Variants in HSD17B8 observed in about 807,000 individuals in gnomAD.
The protein encoded by HSD17B8 is hydroxysteroid 17-beta dehydrogenase 8.
A neutral mutation model predicts 33.2 loss-of-function variants in HSD17B8; 23 were observed. The ratio of observed to expected loss-of-function variants is 0.69; its 90% CI spans 0.50 to 0.98. The LOEUF (loss-of-function observed/expected upper bound fraction) is 0.98. Ranked by LOEUF, HSD17B8 falls within the 50% of genes least tolerant of loss-of-function variation. The pLI is 0.00. For missense variants in HSD17B8, 345 were observed against 347.5 expected (o/e 0.99, Z 0.06); for synonymous variants, 137 against 138.6 (o/e 0.99, Z 0.08).
Position 33,205,533 on chromosome 6 carries a change from A to T in HSD17B8, c.474A>T (p.Val158=). 6.2e-7 allele frequency: 1 copy of T among 1,613,054 alleles called. No individual in the cohort carries two copies. Among genetic ancestry groups the T allele is most frequent in the South Asian group, 1.1e-5 (1 of 91,082 alleles). ...CCATCATCAACATCAGTAGCATCGTAGGAAAGGTCAGGTTGAGTTGGACGA... is the reference window on the plus strand; with the variant it reads ...CCATCATCAACATCAGTAGCATCGTTGGAAAGGTCAGGTTGAGTTGGACGA... ...RGSIINISSI[V]GKVGNVGQTN... Residue 158 remains valine, a synonymous_variant, in exon 4 of 9, where the codon GTA becomes GTT. Coordinates refer to ENST00000374662, the MANE Select transcript of HSD17B8 (RefSeq NM_014234.5). This position sits in a 1 kb window ranked among gnomAD's most constrained non-coding sequence, Gnocchi z 5.0.
chr6:33,205,338 G>A lies in HSD17B8; in HGVS notation c.387+1G>A. ...CAAAGTCATAGCTGTCAACCTCAAG[G>A]TGGCGATCTCTGAACCTGCGACGTT... is the stretch of plus-strand genomic sequence containing the variant. On this transcript the variant is annotated splice_donor_variant, in intron 3 of 8. Transcript: ENST00000374662. LOFTEE classifies it high-confidence loss of function. The surrounding 1 kb of genome is among the most constrained non-coding windows in gnomAD (Gnocchi z 5.0). 1 of 1,612,818 alleles carries A rather than the reference G, an allele frequency of 6.2e-7. No homozygotes were observed. Among genetic ancestry groups the A allele is most frequent in the Non-Finnish European group, 8.5e-7 (1 of 1,179,402 alleles).
chr6:33,206,466 G>A lies in HSD17B8; in HGVS notation c.769+17G>A, dbSNP rs1176418485. ...AAGTCACTGGTATGAGGCCAGCATG[G>A]GGAGGGAGAGGGCAGAGAAGTAGAA... On this transcript the variant is annotated intron_variant, in intron 8 of 8. Coordinates refer to ENST00000374662, the MANE Select transcript of HSD17B8 (RefSeq NM_014234.5). The surrounding 1 kb of genome is among the most constrained non-coding windows in gnomAD (Gnocchi z 6.2). The A allele has an allele frequency of 2.5e-6, 4 of 1,606,724 alleles. No individual in the cohort carries two copies. In the South Asian group the frequency reaches 3.3e-5, roughly 13 times the overall value.
Position 33,205,394 on chromosome 6 carries a change from G to A in HSD17B8, c.388-53G>A. 1.2e-6 allele frequency: 2 copies of A among 1,605,956 alleles called. No individual in the cohort carries two copies. The highest frequency in any genetic ancestry group is 1.7e-6 in the Non-Finnish European group (2 of 1,173,388). Reference sequence around the variant, plus strand: ...CCCTTAGCCTGGGGAGGGAGTTGGAGGAGGGCTGTCACCCCAGCTGATCTT... The same window carrying A: ...CCCTTAGCCTGGGGAGGGAGTTGGAAGAGGGCTGTCACCCCAGCTGATCTT... On this transcript the variant is annotated intron_variant, in intron 3 of 8. Coordinates refer to ENST00000374662, the MANE Select transcript of HSD17B8 (RefSeq NM_014234.5). This position sits in a 1 kb window ranked among gnomAD's most constrained non-coding sequence, Gnocchi z 5.0.
Position 33,205,002 on chromosome 6 carries a change from G to A in HSD17B8, c.153G>A (p.Thr51=), listed in dbSNP as rs1032990828. The part of the protein sequence containing the change: ...CDLDRAAAQE[T]VRLLGGPGSK... ...TGGACCGGGCAGCGGCACAGGAGAC[G>A]GTGCGGCTGCTGGGCGGGCCAGGGA... The change falls in exon 2 of 9, where the codon ACG becomes ACA. Residue 51 remains threonine, a synonymous_variant. Transcript: ENST00000374662. This position sits in a 1 kb window ranked among gnomAD's most constrained non-coding sequence, Gnocchi z 5.0. 4 of 1,501,460 alleles carry A rather than the reference G, an allele frequency of 2.7e-6. No homozygotes were observed. Among genetic ancestry groups the A allele is most frequent in the Admixed American group, 2.4e-5 (1 of 42,304 alleles). The allele number at this position is 1,501,460 out of a possible 1,614,324, so 93.0% of individuals were successfully genotyped here.
chr6:33,206,084 CA>C lies in HSD17B8; in HGVS notation c.652-43del. ...AAAAAAGGGTCACAGACTCAGTCTT[CA>C]AAAAAATCCATAAAAGAAGCTTTCA... On this transcript the variant is annotated intron_variant, in intron 6 of 8. Transcript: ENST00000374662. The surrounding 1 kb of genome is among the most constrained non-coding windows in gnomAD (Gnocchi z 6.2). The C allele has an allele frequency of 1.3e-6, 2 of 1,588,516 alleles. No homozygotes were observed. Among genetic ancestry groups the C allele is most frequent in the Non-Finnish European group, 1.7e-6 (2 of 1,165,650 alleles).
intron 1 of HSD17B8, 54 bp from the exon 2 acceptor site, chr6:33,204,848 G>A (rs1337876542): frequency 6.6e-6 from 10 of 1,511,932 alleles, no homozygotes; most frequent in South Asian, 3.8e-5. Context: ...TGTGACCTCT[G>A]ATCCCTGCCC....
rs758257314 is a variant in HSD17B8 at position 33,205,191 on chromosome 6, T to G, written c.271-30T>G. On this transcript the variant is annotated intron_variant, in intron 2 of 8. Coordinates refer to ENST00000374662, the MANE Select transcript of HSD17B8 (RefSeq NM_014234.5). The surrounding 1 kb of genome is among the most constrained non-coding windows in gnomAD (Gnocchi z 5.0). ...CACTGCCCCGGCTTTTTGTGGGGGGTTTTTGATGCGTAACCTCCCCCTCCC... is the reference window on the plus strand; with the variant it reads ...CACTGCCCCGGCTTTTTGTGGGGGGGTTTTGATGCGTAACCTCCCCCTCCC... 63 of 1,600,622 alleles carry G rather than the reference T, an allele frequency of 3.9e-5. No homozygotes were observed. The highest frequency in any genetic ancestry group is 2.1e-4 in the South Asian group (19 of 90,484).
rs769762232 is a variant in HSD17B8 at position 33,205,115 on chromosome 6, T to A, written c.266T>A (p.Val89Glu). 1 of 1,573,396 alleles carries A rather than the reference T, an allele frequency of 6.4e-7. No homozygotes were observed. The highest frequency in any genetic ancestry group is 8.6e-7 in the Non-Finnish European group (1 of 1,158,638). The change falls in exon 2 of 9, where the codon GTG (valine) becomes GAG (glutamate). Residue 89 changes from valine (V) to glutamate (E), a missense_variant. By Grantham distance (121) the Val-to-Glu change is moderately radical. Transcript: ENST00000374662. This position sits in a 1 kb window ranked among gnomAD's most constrained non-coding sequence, Gnocchi z 5.0. ...ARAARCLLEQVQACFSRPPSV... is the reference protein window; with the variant it reads ...ARAARCLLEQEQACFSRPPSV... ...GCCGCCAGGTGCCTGCTGGAACAAG[T>A]GCAGGTGAACGCTAGGCCACTTTCC...
rs9282463 is a variant in HSD17B8, at chr6:33,205,998, A to AGAG, written c.651+86_651+87insGAG. 3.4e-4 allele frequency: 461 copies of AGAG among 1,342,140 alleles called. No individual in the cohort carries two copies. Among genetic ancestry groups the AGAG allele is most frequent in the Non-Finnish European group, 4.3e-4 (404 of 944,488 alleles). The allele number at this position is 1,342,140 out of a possible 1,614,324, so 83.1% of individuals were successfully genotyped here. A position where few individuals can be genotyped will look rare whatever the true frequency, so the allele number is the denominator to read the frequency against. On this transcript the variant is annotated intron_variant, in intron 6 of 8. Coordinates refer to ENST00000374662, the MANE Select transcript of HSD17B8 (RefSeq NM_014234.5). The surrounding 1 kb of genome is among the most constrained non-coding windows in gnomAD (Gnocchi z 5.0). ...GAGAGAGAGAGAGAGAGAGAGAGAG[A>AGAG]ATACTGGGCACAGTTCCTGGCAAAC...
chr6:33,204,761 G>C (rs1774907977), intron 1 of HSD17B8, 41 bp downstream of exon 1: 1 of 1,611,070 alleles, frequency 6.2e-7, no homozygotes, highest in African/African-American at 1.3e-5. Context: ...GGGTATTGGA[G>C]TGAGGTCAGG....
In HSD17B8 at chr6:33,206,766, G is replaced by C. The variant is rs1270407311; in HGVS notation, c.*112G>C. On this transcript the variant is annotated 3_prime_UTR_variant, in exon 9 of 9. Coordinates refer to ENST00000374662, the MANE Select transcript of HSD17B8 (RefSeq NM_014234.5). The surrounding 1 kb of genome is among the most constrained non-coding windows in gnomAD (Gnocchi z 6.2). ...AAAGGGGTGGCAGTGTATGGTTCAGGAATGCTGAATATGGGAAGCAGGGGT... is the reference window on the plus strand; with the variant it reads ...AAAGGGGTGGCAGTGTATGGTTCAGCAATGCTGAATATGGGAAGCAGGGGT... 3 of 1,135,338 alleles carry C rather than the reference G, an allele frequency of 2.6e-6. No homozygotes were observed. In the African/African-American group the frequency reaches 4.6e-5, roughly 17 times the overall value. 70.3% of individuals were successfully genotyped at this position (1,135,338 alleles called of 1,614,324 possible).
intron 1 of HSD17B8, 55 bp from the exon 2 acceptor site, chr6:33,204,847 T>A: frequency 6.6e-7 from 1 of 1,512,846 alleles, no homozygotes; most frequent in Non-Finnish European, 8.9e-7. Context: ...CTGTGACCTC[T>A]GATCCCTGCC....
rs753167802 is a variant in HSD17B8 at position 33,204,719 on chromosome 6, A to G, written c.51A>G (p.Thr17=). The G allele has an allele frequency of 6.2e-7, 1 of 1,612,926 alleles. No individual in the cohort carries two copies. Among genetic ancestry groups the G allele is most frequent in the Non-Finnish European group, 8.5e-7 (1 of 1,179,962 alleles). ...NRLRSALALV[T]GAGSGIGRAV... ...TCCGCTCCGCACTGGCCTTGGTCAC[A>G]GGTTGAGGGGGTTCTTTCCCCGGGC... The change falls in exon 1 of 9, where the codon ACA becomes ACG. Residue 17 remains threonine, a splice_region_variant and synonymous_variant. Coordinates refer to ENST00000374662, the MANE Select transcript of HSD17B8 (RefSeq NM_014234.5).
At position 33,205,468 on chromosome 6, in the gene HSD17B8, G is replaced by A; in HGVS notation, c.409G>A (p.Ala137Thr). Residue 137 changes from alanine to threonine, a missense_variant, in exon 4 of 9, where the codon GCT becomes ACT. Coordinates refer to ENST00000374662, the MANE Select transcript of HSD17B8 (RefSeq NM_014234.5). This position sits in a 1 kb window ranked among gnomAD's most constrained non-coding sequence, Gnocchi z 5.0. ...CCAGGGCACCTTCCTAGTCACTCAG[G>A]CTGCAGCACAAGCCCTGGTGTCCAA... Reference protein sequence around the residue: ...NLKGTFLVTQAAAQALVSNGC... With the variant: ...NLKGTFLVTQTAAQALVSNGC... The A allele has an allele frequency of 6.2e-7, 1 of 1,613,132 alleles. No homozygotes were observed. The highest frequency in any genetic ancestry group is 8.5e-7 in the Non-Finnish European group (1 of 1,180,028).
intron 1 of HSD17B8, 24 bp downstream of exon 1, chr6:33,204,744 C>A (rs779854220): frequency 8.7e-6 from 14 of 1,612,548 alleles, no homozygotes; most frequent in African/African-American, 2.7e-5. Context: ...TTTCCCCGGG[C>A]GGTTTGGGGT....
intron 1 of HSD17B8, 43 bp from the exon 2 acceptor site, chr6:33,204,859 T>C (rs45621635): frequency 0.036 from 53,454 of 1,494,494 alleles, 1,365 homozygotes; most frequent in South Asian, 0.082. Flanking sequence ...ATCCCTGCCC[T>C]CTCCTCCCCG....
Position 33,204,893 on chromosome 6 carries a change from C to T in HSD17B8, c.53-9C>T. 1 of 1,475,468 alleles carries T rather than the reference C, an allele frequency of 6.8e-7. No homozygotes were observed. Among genetic ancestry groups the T allele is most frequent in the Non-Finnish European group, 9.0e-7 (1 of 1,112,694 alleles). 91.4% of individuals were successfully genotyped at this position (1,475,468 alleles called of 1,614,324 possible). ...CGTGCCCGGTCCGGCGTGTTCTGTC[C>T]TACCTCAGGTGCGGGGAGCGGCATC... On this transcript the variant is annotated splice_polypyrimidine_tract_variant and intron_variant, in intron 1 of 8. Coordinates refer to ENST00000374662, the MANE Select transcript of HSD17B8 (RefSeq NM_014234.5).
chr6:33,205,953 C>CA lies in HSD17B8; in HGVS notation c.651+43dup. 6.6e-7 allele frequency: 1 copy of CA among 1,507,512 alleles called. No individual in the cohort carries two copies. The highest frequency in any genetic ancestry group is 9.2e-7 in the Non-Finnish European group (1 of 1,088,896). The allele number at this position is 1,507,512 out of a possible 1,614,324, so 93.4% of individuals were successfully genotyped here. ...TGGAGGGCAGAATCATTCAGAGACT[C>CA]AATCTCTCTGGGCTTCACAGAGAGA... is the stretch of plus-strand genomic sequence containing the variant. On this transcript the variant is annotated intron_variant, in intron 6 of 8. Transcript: ENST00000374662. The surrounding 1 kb of genome is among the most constrained non-coding windows in gnomAD (Gnocchi z 5.0).
intron 1 of HSD17B8, 29 bp from the exon 2 acceptor site, chr6:33,204,873 C>A: frequency 6.7e-7 from 1 of 1,491,168 alleles, no homozygotes; most frequent in African/African-American, 1.4e-5. Context: ...CTCCCCGTGC[C>A]CGGTCCGGCG....
Sources: allele counts gnomAD v4.1 joint callset, GRCh38; gene constraint gnomAD v4.1.1; non-coding constraint Gnocchi (gnomAD v3.1); transcripts MANE v1.5; gene names NCBI Gene and HGNC (gene_info 2026-07-23, HGNC 2026-07-21).